The following CFAP95 variants were observed in gnomAD, a reference collection of about 807,000 sequenced individuals.
CFAP95 encodes cilia and flagella associated protein 95.
chr9:69,877,553 A>G, the CFAP95 span, among the ~76,000 whole-genome samples: 2 of 152,252 alleles, frequency 1.3e-5, no homozygotes, highest in African/African-American at 2.4e-5. Flanking sequence ...TGTTGCAAGT[A>G]TAAATGGGAT....
At chr9:69,844,920 C>A in the CFAP95 span, among the ~76,000 whole-genome samples, 1 of 152,186 alleles carries the variant, frequency 6.6e-6, no homozygotes, top group African/African-American at 2.4e-5. Flanking sequence ...ACTACAGCAG[C>A]AATATCCTGC....
the CFAP95 span, chr9:69,844,719 C>A: frequency 1.2e-6 from 1 of 816,344 alleles, no homozygotes; most frequent in Non-Finnish European, 1.9e-6. Context: ...GCAGCACCAT[C>A]CCTCGTTAAC....
chr9:69,835,397 G>A, the CFAP95 span, among the ~76,000 whole-genome samples: 4,314 of 152,266 alleles, frequency 0.028, 206 homozygotes, highest in African/African-American at 0.098. Flanking sequence ...TTTGCAATCA[G>A]TGTTATGCAT....
At chr9:69,897,387 A>G in the CFAP95 span, among the ~76,000 whole-genome samples, 9 of 152,216 alleles carry the variant, frequency 5.9e-5, no homozygotes, top group African/African-American at 2.2e-4. Context: ...TGGCCAGGAA[A>G]CATAAACCAT....
the CFAP95 span, chr9:69,820,882 G>A: frequency 6.2e-7 from 1 of 1,613,980 alleles, no homozygotes; most frequent in Non-Finnish European, 8.5e-7. Flanking sequence ...GGGCTCCCAT[G>A]GATAGCCTTG....
the CFAP95 span, among the ~76,000 whole-genome samples, chr9:69,831,245 C>T: frequency 1.3e-5 from 2 of 151,674 alleles, no homozygotes; most frequent in African/African-American, 4.8e-5. Context: ...AATAATTTAG[C>T]CTCCTTTTAT....
the CFAP95 span, among the ~76,000 whole-genome samples, chr9:69,842,992 G>A: frequency 6.6e-6 from 1 of 152,190 alleles, no homozygotes; most frequent in Non-Finnish European, 1.5e-5. Flanking sequence ...GGGTGGGGAA[G>A]GAAAGAGGAT....
the CFAP95 span, among the ~76,000 whole-genome samples, chr9:69,860,604 CTT>C: frequency 0.013 from 1,890 of 144,336 alleles, 23 homozygotes; most frequent in African/African-American, 0.033. Flanking sequence ...TATACCTTTT[CTT>C]TTTTTTTTTT....
At chr9:69,836,595 T>A in the CFAP95 span, among the ~76,000 whole-genome samples, 2 of 151,648 alleles carry the variant, frequency 1.3e-5, no homozygotes, top group Non-Finnish European at 2.9e-5. Flanking sequence ...AGTGGATTAA[T>A]AATGGCATTT....
At chr9:69,860,666 T>C in the CFAP95 span, among the ~76,000 whole-genome samples, 1 of 152,034 alleles carries the variant, frequency 6.6e-6, no homozygotes. Context: ...CGCAAACACA[T>C]TGTATAGCTG....
the CFAP95 span, among the ~76,000 whole-genome samples, chr9:69,859,494 T>C: frequency 6.6e-6 from 1 of 152,164 alleles, no homozygotes; most frequent in African/African-American, 2.4e-5. Flanking sequence ...CTTTATTTGT[T>C]TGTATGGTAT....
the CFAP95 span, among the ~76,000 whole-genome samples, chr9:69,901,430 C>T: frequency 6.6e-6 from 1 of 152,114 alleles, no homozygotes; most frequent in Admixed American, 6.6e-5. Flanking sequence ...AGCCACCGCG[C>T]CCGGCCGGTG....
chr9:69,895,369 C>CTCTCTCTGTGTGTGTG, the CFAP95 span, among the ~76,000 whole-genome samples: 166 of 107,886 alleles, frequency 1.5e-3, 1 homozygote, highest in African/African-American at 3.9e-3. Flanking sequence ...CTCTCTCTCT[C>CTCTCTCTGTGTGTGTG]TGTGTGTGTG....
chr9:69,876,691 A>G, the CFAP95 span, among the ~76,000 whole-genome samples: 1 of 151,878 alleles, frequency 6.6e-6, no homozygotes. Flanking sequence ...CTAGAGTGCA[A>G]TGGCGCAGTT....
chr9:69,895,369 C>CTCTCTCTCTCTCTGTGTGTG, the CFAP95 span, among the ~76,000 whole-genome samples: 1 of 107,848 alleles, frequency 9.3e-6, no homozygotes, highest in South Asian at 3.9e-4. Context: ...CTCTCTCTCT[C>CTCTCTCTCTCTCTGTGTGTG]TGTGTGTGTG....
chr9:69,891,781 C>T, the CFAP95 span, among the ~76,000 whole-genome samples: 39 of 152,212 alleles, frequency 2.6e-4, no homozygotes, highest in South Asian at 4.2e-4. Flanking sequence ...TTTTTGACTG[C>T]GTTACTGTAT....
At chr9:69,847,359 G>A in the CFAP95 span, among the ~76,000 whole-genome samples, 1 of 152,176 alleles carries the variant, frequency 6.6e-6, no homozygotes, top group Non-Finnish European at 1.5e-5. Context: ...CTGAGAACAA[G>A]TGAAGCTTAA....
At chr9:69,840,668 T>C in the CFAP95 span, among the ~76,000 whole-genome samples, 38 of 152,116 alleles carry the variant, frequency 2.5e-4, no homozygotes, top group Non-Finnish European at 5.0e-4. Context: ...AGACATATCT[T>C]ATATTTTATT....
the CFAP95 span, among the ~76,000 whole-genome samples, chr9:69,878,890 T>C: frequency 2.0e-5 from 3 of 152,136 alleles, no homozygotes; most frequent in Admixed American, 6.6e-5. Context: ...CAGCTTTTAC[T>C]CATGGCAGAA....
Sources: allele counts gnomAD v4.1 joint callset (sites outside exome capture counted in the v4.1 genomes callset), GRCh38; gene constraint gnomAD v4.1.1; transcripts MANE v1.5; gene names NCBI Gene and HGNC (gene_info 2026-07-23, HGNC 2026-07-21).